PRKN: variants seen among roughly 807,000 people sequenced by gnomAD.
PRKN encodes the protein E3 ubiquitin-protein ligase parkin.
PRKN carries 56 observed loss-of-function variants against 59.5 expected under a neutral mutation model. The ratio of observed to expected loss-of-function variants is 0.94; its 90% CI spans 0.76 to 1.18. PRKN has a LOEUF of 1.18. PRKN is among the 50% of genes most tolerant of loss of function. PRKN has a pLI of 0.00. For synonymous variants in PRKN, 250 were observed against 222.1 expected (o/e 1.13, Z -1.12); for missense variants, 657 against 596.4 (o/e 1.10, Z -1.06).
intron 6 of PRKN, among the ~76,000 whole-genome samples, chr6:161,807,550 A>C (rs1791386715): frequency 6.6e-6 from 1 of 152,180 alleles, no homozygotes; most frequent in Non-Finnish European, 1.5e-5. Context: ...ACCAAAGGCC[A>C]CGCTTCGTCT....
chr6:162,409,534 T>C (rs1788248471), intron 2 of PRKN, among the ~76,000 whole-genome samples: 2 of 152,132 alleles, frequency 1.3e-5, no homozygotes, highest in Admixed American at 6.6e-5. Flanking sequence ...TTGAACCACA[T>C]GAAATTGCCA....
intron 7 of PRKN, among the ~76,000 whole-genome samples, chr6:161,704,270 T>C (rs948185488): frequency 6.6e-6 from 1 of 152,102 alleles, no homozygotes; most frequent in African/African-American, 2.4e-5. Context: ...TCTCAGGTTG[T>C]ATTCTCTCCA....
At chr6:162,189,736 T>C (rs1182663072) in intron 4 of PRKN, among the ~76,000 whole-genome samples, 2 of 151,924 alleles carry the variant, frequency 1.3e-5, no homozygotes, top group Non-Finnish European at 2.9e-5. Context: ...TATGATAACA[T>C]TGAACAATAG....
intron 7 of PRKN, among the ~76,000 whole-genome samples, chr6:161,749,852 C>T (rs1788601888): frequency 6.6e-6 from 1 of 152,090 alleles, no homozygotes; most frequent in African/African-American, 2.4e-5. Context: ...CACCCTGCAC[C>T]TCTCACCTAC....
intron 6 of PRKN, among the ~76,000 whole-genome samples, chr6:161,836,571 A>T (rs1424798218): frequency 1.3e-5 from 2 of 152,186 alleles, no homozygotes; most frequent in African/African-American, 4.8e-5. Context: ...CCTGCTCATT[A>T]TTCTACACTG....
rs550299200 is a variant in PRKN, at chr6:162,185,093, T to C, written c.534+16038A>G. ...GTATTGGGCTCTGCTTCTGAACATA[T>C]ATACTGGCATTTTCCTAGATTTGTG... On this transcript the variant is annotated intron_variant, in intron 4 of 11. Transcript: ENST00000366898. Among the ~76,000 whole-genome samples the C allele has an allele frequency of 2.4e-4, 37 of 152,300 alleles. No homozygotes were observed. The South Asian group carries it at 7.7e-3, about 32-fold the overall frequency.
chr6:161,507,188 G>A (rs1438924757), intron 9 of PRKN, among the ~76,000 whole-genome samples: 1 of 152,232 alleles, frequency 6.6e-6, no homozygotes, highest in Non-Finnish European at 1.5e-5. Context: ...GAAGGAAGGT[G>A]TGCGGAACCC....
intron 7 of PRKN, among the ~76,000 whole-genome samples, chr6:161,685,176 G>C (rs1242318916): frequency 6.6e-6 from 1 of 151,922 alleles, no homozygotes; most frequent in East Asian, 1.9e-4. Context: ...CAGTACTCTT[G>C]CTCGGCAGTT....
At chr6:162,429,110 C>T (rs1257902138) in intron 2 of PRKN, among the ~76,000 whole-genome samples, 1 of 152,074 alleles carries the variant, frequency 6.6e-6, no homozygotes, top group Non-Finnish European at 1.5e-5. Flanking sequence ...TTGCATGTAC[C>T]GGAATACTGA....
chr6:162,272,375 A>T (rs373395008), intron 2 of PRKN, among the ~76,000 whole-genome samples: 2 of 152,162 alleles, frequency 1.3e-5, no homozygotes, highest in African/African-American at 4.8e-5. Flanking sequence ...TTTAAGTATT[A>T]TTTTATTACT....
rs753758869 is a variant in PRKN at position 161,545,110 on chromosome 6, G to T, written c.1083+3744C>A. 24 of 1,240,672 alleles carry T rather than the reference G, an allele frequency of 1.9e-5. No individual in the cohort carries two copies. The highest frequency in any genetic ancestry group is 2.3e-5 in the Non-Finnish European group (23 of 984,194). The allele number at this position is 1,240,672 out of a possible 1,614,324, so 76.9% of individuals were successfully genotyped here. A position where few individuals can be genotyped will look rare whatever the true frequency, so the allele number is the denominator to read the frequency against. On this transcript the variant is annotated intron_variant, in intron 9 of 11. Transcript: ENST00000366898. The surrounding 1 kb of genome is among the most constrained non-coding windows in gnomAD (Gnocchi z 4.1). ...AATTTTAAATCCCACAAATGACAGA[G>T]AATTTGGTTTTCAACTTTTTTATAC...
intron 6 of PRKN, among the ~76,000 whole-genome samples, chr6:161,932,017 T>C (rs1779185022): frequency 6.6e-6 from 1 of 152,166 alleles, no homozygotes; most frequent in Non-Finnish European, 1.5e-5. Context: ...TCATCAACCA[T>C]ATGTGACTAC....
At chr6:161,819,547 A>T (rs1583204987) in intron 6 of PRKN, among the ~76,000 whole-genome samples, 1 of 152,188 alleles carries the variant, frequency 6.6e-6, no homozygotes, top group African/African-American at 2.4e-5. Flanking sequence ...ACAAAGATTT[A>T]TGTTAAACTC....
chr6:162,374,577 T>G (rs1785953354), intron 2 of PRKN, among the ~76,000 whole-genome samples: 1 of 151,970 alleles, frequency 6.6e-6, no homozygotes, highest in Non-Finnish European at 1.5e-5. Flanking sequence ...ATTTATTGGA[T>G]AGGTGAGAGG....
At chr6:161,912,371 T>G (rs1232062156) in intron 6 of PRKN, among the ~76,000 whole-genome samples, 1 of 152,036 alleles carries the variant, frequency 6.6e-6, no homozygotes, top group Non-Finnish European at 1.5e-5. Flanking sequence ...GCTCTACTGG[T>G]GGTCACCAGT....
At chr6:162,137,959 G>A (rs1432540134) in intron 4 of PRKN, among the ~76,000 whole-genome samples, 1 of 151,978 alleles carries the variant, frequency 6.6e-6, no homozygotes, top group Non-Finnish European at 1.5e-5. Context: ...TGATCCCGAC[G>A]TGAAGGAAAC....
intron 4 of PRKN, among the ~76,000 whole-genome samples, chr6:162,146,915 G>C (rs1020611777): frequency 4.6e-5 from 7 of 151,906 alleles, no homozygotes; most frequent in Non-Finnish European, 1.0e-4. Context: ...ATTTTTAGTA[G>C]AGACAGGGTT....
chr6:161,849,351 A>T (rs1200869241), intron 6 of PRKN, among the ~76,000 whole-genome samples: 1 of 152,106 alleles, frequency 6.6e-6, no homozygotes, highest in Non-Finnish European at 1.5e-5. Flanking sequence ...CAGGTTTTAA[A>T]ATGTTTCCTG....
At chr6:162,531,031 T>C (rs1583739204) in intron 1 of PRKN, among the ~76,000 whole-genome samples, 1 of 121,928 alleles carries the variant, frequency 8.2e-6, no homozygotes, top group Non-Finnish European at 1.6e-5. Context: ...CACTCCGGCC[T>C]GGGTAACAGA....
Sources: gnomAD v4.1 joint callset for allele counts (sites outside exome capture counted in the v4.1 genomes callset) on GRCh38, gnomAD v4.1.1 for gene constraint, Gnocchi (gnomAD v3.1) non-coding constraint, MANE v1.5 for transcripts, NCBI Gene and HGNC (gene_info 2026-07-23, HGNC 2026-07-21) for gene names.